Variants in ARHGDIB observed in about 807,000 individuals in gnomAD.
ARHGDIB encodes the protein Rho GDP dissociation inhibitor beta.
ARHGDIB carries 20 observed loss-of-function variants against 22.6 expected under a neutral mutation model. That is an observed-to-expected ratio of 0.88 (90% CI 0.62 to 1.28). The LOEUF is 1.28. Ranked by LOEUF, ARHGDIB falls within the 50% of genes most tolerant of loss-of-function variation. The pLI is 0.00. For missense variants in ARHGDIB, 254 were observed against 245.4 expected, an observed-to-expected ratio of 1.04 and a Z score of -0.23; for synonymous variants, 114 against 96.1, an observed-to-expected ratio of 1.19 and a Z score of -1.09.
chr12:14,944,733 T>G, intron 5 of ARHGDIB, 43 bp downstream of exon 5: 5 of 1,581,658 alleles, frequency 3.2e-6, no homozygotes, highest in Non-Finnish European at 4.3e-6. Flanking sequence ...AAAGTATCAA[T>G]GAGAAGCAGT....
At chr12:14,944,062 G>A (rs1386304508) in intron 5 of ARHGDIB, among the ~76,000 whole-genome samples, 2 of 151,672 alleles carry the variant, frequency 1.3e-5, no homozygotes, top group African/African-American at 4.8e-5. Context: ...TTAATTTGGT[G>A]GAAACTGAGA....
intron 1 of ARHGDIB, among the ~76,000 whole-genome samples, chr12:14,958,354 G>C (rs775667294): frequency 6.6e-6 from 1 of 152,176 alleles, no homozygotes; most frequent in East Asian, 1.9e-4. Flanking sequence ...CCAAAGACAA[G>C]ATTATTTTGT....
chr12:14,943,451 G>C (rs1863929994), intron 5 of ARHGDIB, among the ~76,000 whole-genome samples: 1 of 150,444 alleles, frequency 6.6e-6, no homozygotes, highest in Non-Finnish European at 1.5e-5. Flanking sequence ...AAAAAACTCA[G>C]ACAAATTGAG....
At chr12:14,960,106 C>T (rs998876784) in intron 1 of ARHGDIB, among the ~76,000 whole-genome samples, 1 of 152,196 alleles carries the variant, frequency 6.6e-6, no homozygotes, top group Non-Finnish European at 1.5e-5. Flanking sequence ...GCCAGGCCAA[C>T]CCTGACTCCA....
intron 2 of ARHGDIB, among the ~76,000 whole-genome samples, chr12:14,950,223 G>A (rs959704538): frequency 1.3e-5 from 2 of 152,076 alleles, no homozygotes; most frequent in Non-Finnish European, 2.9e-5. Context: ...AGAGATGAAC[G>A]GTTAGGTAAG....
chr12:14,942,653 C>A lies in ARHGDIB; in HGVS notation c.475G>T (p.Val159Phe), dbSNP rs1384202778. The change falls in exon 6 of 6, where the codon GTT becomes TTT. Residue 159 changes from valine to phenylalanine, a missense_variant. By Grantham distance (50) the Val-to-Phe change is conservative. Coordinates refer to ENST00000228945, the MANE Select transcript of ARHGDIB (RefSeq NM_001175.7). ...AGCATGCCCTTGGGAGCCTCCTCAA[C>A]TGGAGTGAGGAACTCATACTCCTCA... is the stretch of plus-strand genomic sequence containing the variant. ...RPEEYEFLTP[V>F]EEAPKGMLAR... The A allele has an allele frequency of 6.2e-7, 1 of 1,614,182 alleles. No individual in the cohort carries two copies. Among genetic ancestry groups the A allele is most frequent in the Admixed American group, 1.7e-5 (1 of 60,018 alleles).
intron 1 of ARHGDIB, 24 bp from the exon 2 acceptor site, chr12:14,950,748 T>C (rs1199797235): frequency 6.4e-7 from 1 of 1,560,606 alleles, no homozygotes; most frequent in Non-Finnish European, 8.6e-7. Flanking sequence ...TGACAGCCCG[T>C]TAGTCAACAA....
chr12:14,946,798 A>G (rs767634364), intron 4 of ARHGDIB, among the ~76,000 whole-genome samples: 21 of 152,236 alleles, frequency 1.4e-4, no homozygotes, highest in Non-Finnish European at 2.4e-4. Context: ...AATTAATGCA[A>G]TAGCATCAAT....
At chr12:14,953,833 C>T (rs1027836673) in intron 1 of ARHGDIB, among the ~76,000 whole-genome samples, 2,338 of 151,876 alleles carry the variant, frequency 0.015, 52 homozygotes, top group African/African-American at 0.052. Context: ...CTCTCTCTCT[C>T]TCTCTCTTTC....
chr12:14,943,831 A>G (rs2120671394), intron 5 of ARHGDIB, among the ~76,000 whole-genome samples: 1 of 152,366 alleles, frequency 6.6e-6, no homozygotes, highest in Non-Finnish European at 1.5e-5. Context: ...ATAAGTTTGA[A>G]AAAACAGTTG....
At chr12:14,957,177 G>C (rs1247850483) in intron 1 of ARHGDIB, among the ~76,000 whole-genome samples, 1 of 152,194 alleles carries the variant, frequency 6.6e-6, no homozygotes, top group Non-Finnish European at 1.5e-5. Context: ...ACTCAATCAA[G>C]TTGCTAATTT....
At chr12:14,958,232 G>A (rs578091515) in intron 1 of ARHGDIB, among the ~76,000 whole-genome samples, 58 of 152,182 alleles carry the variant, frequency 3.8e-4, no homozygotes, top group African/African-American at 1.4e-3. Context: ...TCTCCCCACC[G>A]CCCCTGTCCC....
chr12:14,950,005 A>G (rs2120717865), intron 2 of ARHGDIB, 120 bp from the exon 3 acceptor site: 1 of 897,856 alleles, frequency 1.1e-6, no homozygotes, highest in East Asian at 2.6e-5. Context: ...TGGAGTAGAA[A>G]TAGAAATGGA....
intron 1 of ARHGDIB, among the ~76,000 whole-genome samples, chr12:14,956,938 C>T (rs913134710): frequency 1.4e-4 from 22 of 152,190 alleles, no homozygotes; most frequent in Non-Finnish European, 2.8e-4. Context: ...ATTTCCAAGA[C>T]TTTGAAAGTG....
intron 1 of ARHGDIB, among the ~76,000 whole-genome samples, chr12:14,959,884 A>G (rs1054380886): frequency 7.2e-5 from 11 of 152,234 alleles, no homozygotes; most frequent in African/African-American, 2.7e-4. Flanking sequence ...AATTTCACAC[A>G]TCTCACAAAA....
At chr12:14,960,522 A>G (rs1412776386) in intron 1 of ARHGDIB, among the ~76,000 whole-genome samples, 1 of 152,092 alleles carries the variant, frequency 6.6e-6, no homozygotes, top group African/African-American at 2.4e-5. Flanking sequence ...TTATTTTTTG[A>G]GCCAGAGTTT....
rs74694099 is a variant in ARHGDIB, at chr12:14,950,282, T to A, written c.181+250A>T. On this transcript the variant is annotated intron_variant, in intron 2 of 5. Coordinates refer to ENST00000228945, the MANE Select transcript of ARHGDIB (RefSeq NM_001175.7). ...GAGAGAGAAATACAATTCTAAGTGGTAGCCTGGAATTCTTTCTAAATCCCC... is the reference window on the plus strand; with the variant it reads ...GAGAGAGAAATACAATTCTAAGTGGAAGCCTGGAATTCTTTCTAAATCCCC... Among the ~76,000 whole-genome samples, 1,228 of 152,310 alleles carry A rather than the reference T, an allele frequency of 8.1e-3. 14 individuals are homozygous for A. Among genetic ancestry groups the A allele is most frequent in the African/African-American group, 0.029 (1,192 of 41,562 alleles).
chr12:14,946,034 A>G (rs1323299528), intron 4 of ARHGDIB, among the ~76,000 whole-genome samples: 1 of 152,216 alleles, frequency 6.6e-6, no homozygotes, highest in Non-Finnish European at 1.5e-5. Context: ...AGCAATAAGG[A>G]CTTCAAGACA....
At chr12:14,957,857 G>C (rs1303939433) in intron 1 of ARHGDIB, among the ~76,000 whole-genome samples, 1 of 85,640 alleles carries the variant, frequency 1.2e-5, no homozygotes, top group Non-Finnish European at 2.6e-5. Flanking sequence ...AAGAGGGAGA[G>C]AGAAAGAGGA....
Sources: allele counts gnomAD v4.1 joint callset (sites outside exome capture counted in the v4.1 genomes callset), GRCh38; gene constraint gnomAD v4.1.1; transcripts MANE v1.5; gene names NCBI Gene and HGNC (gene_info 2026-07-23, HGNC 2026-07-21).